ITPR1: variants seen among roughly 807,000 people sequenced by gnomAD.
ITPR1 encodes the protein inositol 1,4,5-trisphosphate receptor type 1, also known as inositol 1,4,5-trisphosphate-gated calcium channel ITPR1.
A neutral mutation model predicts 318.4 loss-of-function variants in ITPR1; 96 were observed. The observed-to-expected ratio is 0.30, with a 90% CI of 0.26 to 0.36. The LOEUF (loss-of-function observed/expected upper bound fraction) is 0.36, where lower values mean the gene tolerates loss of function less well. Among genes scored for constraint, ITPR1 ranks in the 10% least tolerant of loss-of-function variants. ITPR1 has a pLI of 1.00. For missense variants in ITPR1, 2,440 were observed against 3,460.2 expected, an observed-to-expected ratio of 0.71 and a Z score of 7.40; for synonymous variants, 1,312 against 1,289.9, an observed-to-expected ratio of 1.02 and a Z score of -0.37.
At chr3:4,690,457 A>G (rs918955540) in intron 31 of ITPR1, among the ~76,000 whole-genome samples, 8 of 152,156 alleles carry the variant, frequency 5.3e-5, no homozygotes, top group Non-Finnish European at 1.0e-4. Context: ...AAGACTGACA[A>G]TACTAAGTGT....
chr3:4,834,378 G>A (rs2050736069), intron 60 of ITPR1, among the ~76,000 whole-genome samples: 1 of 152,206 alleles, frequency 6.6e-6, no homozygotes, highest in Non-Finnish European at 1.5e-5. Flanking sequence ...GTGGGACTTT[G>A]TATCTTTTTT....
chr3:4,791,703 A>C (rs191870269), intron 52 of ITPR1, among the ~76,000 whole-genome samples: 9 of 152,296 alleles, frequency 5.9e-5, no homozygotes, highest in East Asian at 5.8e-4. Flanking sequence ...ACAACGGCAT[A>C]TTTTTAAGTG....
intron 1 of ITPR1, 32 bp downstream of exon 1, chr3:4,493,637 G>A (rs2080307655): frequency 6.6e-6 from 1 of 152,538 alleles, no homozygotes; most frequent in Admixed American, 6.5e-5. Flanking sequence ...AGGGCGCGGG[G>A]AGTTGGCACT....
At chr3:4,628,270 C>G (rs1013020633) in intron 5 of ITPR1, among the ~76,000 whole-genome samples, 1 of 152,166 alleles carries the variant, frequency 6.6e-6, no homozygotes, top group African/African-American at 2.4e-5. Flanking sequence ...CAGTACCCAC[C>G]TCAGGAGGTC....
chr3:4,750,420 A>G (rs1047101342), intron 44 of ITPR1: 3 of 152,208 alleles, frequency 2.0e-5, no homozygotes, highest in Non-Finnish European at 4.4e-5. Flanking sequence ...AAACAAGGTC[A>G]TGCTGCATTT....
At chr3:4,703,586 G>T (rs2094698889) in intron 36 of ITPR1, among the ~76,000 whole-genome samples, 1 of 152,148 alleles carries the variant, frequency 6.6e-6, no homozygotes, top group South Asian at 2.1e-4. Context: ...GTTGAGAAGA[G>T]AGTTACCTGC....
intron 5 of ITPR1, among the ~76,000 whole-genome samples, chr3:4,629,058 G>A (rs1413642889): frequency 8.1e-6 from 1 of 123,892 alleles, no homozygotes; most frequent in Non-Finnish European, 1.6e-5. Context: ...TCCAGCATGA[G>A]GACACCTAAG....
intron 44 of ITPR1, among the ~76,000 whole-genome samples, chr3:4,756,573 C>G (rs568032151): frequency 6.6e-6 from 1 of 152,082 alleles, no homozygotes. Flanking sequence ...TACGCCAGAA[C>G]GTGCAGTATT....
At chr3:4,745,229 T>C (rs1439702205) in intron 44 of ITPR1, among the ~76,000 whole-genome samples, 1 of 151,594 alleles carries the variant, frequency 6.6e-6, no homozygotes, top group Non-Finnish European at 1.5e-5. Context: ...GCAGACAGGG[T>C]TGTTTTTTAA....
chr3:4,839,544 G>C (rs1048737509), intron 61 of ITPR1, among the ~76,000 whole-genome samples: 1 of 152,010 alleles, frequency 6.6e-6, no homozygotes, highest in Non-Finnish European at 1.5e-5. Flanking sequence ...ATGGTTGACT[G>C]TTTAAGTTCT....
chr3:4,743,181 T>C (rs1175138253), intron 44 of ITPR1, among the ~76,000 whole-genome samples: 1 of 152,278 alleles, frequency 6.6e-6, no homozygotes, highest in Non-Finnish European at 1.5e-5. Context: ...CCTCCTTCTC[T>C]TCCTTTCCTC....
Position 4,779,826 on chromosome 3 carries a change from G to A in ITPR1, c.6387+181G>A, listed in dbSNP as rs1355269872. ...GTGAAATATTTTGGTTGGTGCAAAAGTAATCGCGGTTTTTGCTATTACTTT... is the reference window on the plus strand; with the variant it reads ...GTGAAATATTTTGGTTGGTGCAAAAATAATCGCGGTTTTTGCTATTACTTT... On this transcript the variant is annotated intron_variant, in intron 49 of 61. Transcript: ENST00000649015. This position sits in a 1 kb window ranked among gnomAD's most constrained non-coding sequence, Gnocchi z 4.0. 6.8e-6 allele frequency among the ~76,000 whole-genome samples: 1 copy of A among 147,538 alleles called. No individual in the cohort carries two copies. Among genetic ancestry groups the A allele is most frequent in the Non-Finnish European group, 1.5e-5 (1 of 66,914 alleles).
intron 53 of ITPR1, among the ~76,000 whole-genome samples, chr3:4,797,895 C>T (rs1390157332): frequency 1.3e-5 from 2 of 152,160 alleles, no homozygotes; most frequent in Non-Finnish European, 2.9e-5. Flanking sequence ...GTATAATCAC[C>T]ATGCCATTAT....
At chr3:4,762,783 T>G (rs985819222) in intron 44 of ITPR1, among the ~76,000 whole-genome samples, 4 of 152,206 alleles carry the variant, frequency 2.6e-5, no homozygotes, top group Non-Finnish European at 5.9e-5. Context: ...AGTGTGGCAA[T>G]TCCTCAAAGA....
chr3:4,668,578 C>G (rs780569751), intron 18 of ITPR1, among the ~76,000 whole-genome samples: 1 of 152,066 alleles, frequency 6.6e-6, no homozygotes, highest in Non-Finnish European at 1.5e-5. Flanking sequence ...AGCAATTGTT[C>G]TGCCTCAGGC....
chr3:4,590,727 T>C (rs967329344), intron 4 of ITPR1, among the ~76,000 whole-genome samples: 1 of 152,018 alleles, frequency 6.6e-6, no homozygotes, highest in African/African-American at 2.4e-5. Context: ...GTCTTTTTTT[T>C]AAATTTTAGG....
In ITPR1 at chr3:4,541,857, C is replaced by G. The variant is rs551897865; in HGVS notation, c.163+20763C>G. Reference sequence around the variant, plus strand: ...GCCAGGATAGTCTCAATCTCTTGACCTGATGATACACCCACCTTGGCCTCC... The same window carrying G: ...GCCAGGATAGTCTCAATCTCTTGACGTGATGATACACCCACCTTGGCCTCC... On this transcript the variant is annotated intron_variant, in intron 4 of 61. Transcript: ENST00000649015. Among the ~76,000 whole-genome samples, 10 of 152,266 alleles carry G rather than the reference C, an allele frequency of 6.6e-5. No homozygotes were observed. The South Asian group carries it at 1.7e-3, about 25-fold the overall frequency.
Position 4,779,671 on chromosome 3 carries a change from T to C in ITPR1, c.6387+26T>C. 6.7e-7 allele frequency: 1 copy of C among 1,497,372 alleles called. No homozygotes were observed. Among genetic ancestry groups the C allele is most frequent in the Non-Finnish European group, 9.3e-7 (1 of 1,074,948 alleles). 92.8% of individuals were successfully genotyped at this position (1,497,372 alleles called of 1,614,324 possible). On this transcript the variant is annotated intron_variant, in intron 49 of 61. Transcript: ENST00000649015. The surrounding 1 kb of genome is among the most constrained non-coding windows in gnomAD (Gnocchi z 4.0). ...GTGAGTCGGGTGACGGATCTGATGG[T>C]AGCACCAAGGAGCATTGCGACGATA...
chr3:4,835,153 A>T (rs2050807864), intron 60 of ITPR1, among the ~76,000 whole-genome samples: 2 of 142,714 alleles, frequency 1.4e-5, no homozygotes, highest in South Asian at 2.4e-4. Context: ...ACACTCTATG[A>T]CACCTTGTTG....
Sources: gnomAD v4.1 joint callset for allele counts (sites outside exome capture counted in the v4.1 genomes callset) on GRCh38, gnomAD v4.1.1 for gene constraint, Gnocchi (gnomAD v3.1) non-coding constraint, MANE v1.5 for transcripts, NCBI Gene and HGNC (gene_info 2026-07-23, HGNC 2026-07-21) for gene names.